The following ESR1 variants were observed in gnomAD, a reference collection of about 807,000 sequenced individuals.
ESR1 encodes the protein estrogen receptor 1.
ESR1 carries 12 observed loss-of-function variants against 52.7 expected under a neutral mutation model. The observed-to-expected ratio is 0.23, with a 90% CI of 0.15 to 0.37. The LOEUF is 0.37. Ranked by LOEUF, ESR1 falls within the 10% of genes least tolerant of loss-of-function variation. The probability of loss-of-function intolerance (pLI) is 1.00; values close to 1 mark genes in which losing one functional copy is unlikely to be tolerated. For synonymous variants in ESR1, 305 were observed against 316.8 expected, an observed-to-expected ratio of 0.96 and a Z score of 0.39; for missense variants, 584 against 779.7, an observed-to-expected ratio of 0.75 and a Z score of 2.99.
At position 151,674,329 on chromosome 6, in the gene ESR1, G is replaced by A. The variant is rs576913658; in HGVS notation, n.73+17566G>A. ...AGTTTGCTGAGAATGACGGTTTCCA[G>A]CTTCATTCATGTCCCTGCAAAGGAC... On this transcript the variant is annotated intron_variant and non_coding_transcript_variant, in intron 1 of 2. Coordinates refer to the ESR1 transcript ENST00000473497. Among the ~76,000 whole-genome samples the A allele has an allele frequency of 2.6e-5, 4 of 152,212 alleles. No individual in the cohort carries two copies. In the South Asian group the frequency reaches 8.3e-4, roughly 32 times the overall value.
At chr6:151,753,999 G>A (rs958198791) in intron 2 of ESR1, among the ~76,000 whole-genome samples, 1 of 152,178 alleles carries the variant, frequency 6.6e-6, no homozygotes, top group Non-Finnish European at 1.5e-5. Flanking sequence ...TGAAGACCTG[G>A]AGAGGAGTCA....
At chr6:151,699,766 A>G (rs1397619021) in intron 1 of ESR1, among the ~76,000 whole-genome samples, 1 of 152,194 alleles carries the variant, frequency 6.6e-6, no homozygotes, top group Admixed American at 6.5e-5. Context: ...AGATTATATA[A>G]TGGAATCCTG....
At position 152,050,722 on chromosome 6, in the gene ESR1, C is replaced by A. The variant is rs9341009; in HGVS notation, c.1236-10269C>A. On this transcript the variant is annotated intron_variant, in intron 5 of 7. Transcript: ENST00000206249. ...CTGTCCTTCTGGTGAGATCATCAATCCCATTCTTGTAACCTTCAGATCATT... is the reference window on the plus strand; with the variant it reads ...CTGTCCTTCTGGTGAGATCATCAATACCATTCTTGTAACCTTCAGATCATT... 7.0e-3 allele frequency among the ~76,000 whole-genome samples: 1,062 copies of A among 152,286 alleles called. 10 individuals are homozygous for A. The highest frequency in any genetic ancestry group is 0.025 in the African/African-American group (1,029 of 41,550).
chr6:152,017,076 A>C (rs925438777), intron 5 of ESR1, among the ~76,000 whole-genome samples: 1 of 152,160 alleles, frequency 6.6e-6, no homozygotes, highest in East Asian at 1.9e-4. Context: ...GCTAGAACTT[A>C]CCCTAGTCTT....
At chr6:151,721,804 T>C (rs954684487) in intron 2 of ESR1, among the ~76,000 whole-genome samples, 3 of 152,234 alleles carry the variant, frequency 2.0e-5, no homozygotes, top group Non-Finnish European at 4.4e-5. Flanking sequence ...GGCATAGCTG[T>C]TCAACAAGAT....
chr6:151,748,189 A>C (rs529402168), intron 2 of ESR1, among the ~76,000 whole-genome samples: 4 of 152,212 alleles, frequency 2.6e-5, no homozygotes, highest in African/African-American at 9.7e-5. Flanking sequence ...AAAAAGTGAC[A>C]TATTCATGGA....
intron 2 of ESR1, among the ~76,000 whole-genome samples, chr6:151,880,286 G>A (rs950153602): frequency 1.4e-5 from 2 of 146,276 alleles, no homozygotes; most frequent in African/African-American, 2.5e-5. Context: ...GGGTTCAAGC[G>A]ATTCTCCTGC....
intron 4 of ESR1, among the ~76,000 whole-genome samples, chr6:151,963,974 G>T (rs1300864097): frequency 6.6e-6 from 1 of 152,084 alleles, no homozygotes; most frequent in Non-Finnish European, 1.5e-5. Context: ...TAAATAAGTT[G>T]ATCTTACTTG....
intron 2 of ESR1, among the ~76,000 whole-genome samples, chr6:151,798,011 T>C (rs1053793609): frequency 4.6e-5 from 7 of 152,176 alleles, no homozygotes; most frequent in Non-Finnish European, 4.4e-5. Flanking sequence ...CAAACTGGCA[T>C]TTTGATGACT....
At chr6:151,988,621 A>G (rs1159112829) in intron 4 of ESR1, among the ~76,000 whole-genome samples, 1 of 152,042 alleles carries the variant, frequency 6.6e-6, no homozygotes, top group East Asian at 1.9e-4. Flanking sequence ...TTAATAACTA[A>G]TGTGTACTAG....
chr6:151,853,183 A>G (rs1431793787), intron 2 of ESR1, among the ~76,000 whole-genome samples: 1 of 147,228 alleles, frequency 6.8e-6, no homozygotes, highest in Non-Finnish European at 1.5e-5. Context: ...AAAAAAAAAA[A>G]AAAAAAAAAA....
intron 5 of ESR1, among the ~76,000 whole-genome samples, chr6:152,026,269 C>G (rs1214146557): frequency 1.3e-5 from 2 of 151,998 alleles, no homozygotes; most frequent in African/African-American, 4.8e-5. Flanking sequence ...CCATTATCTG[C>G]TGCATAAGTA....
At chr6:152,071,260 T>C (rs1006387450) in intron 6 of ESR1, among the ~76,000 whole-genome samples, 1 of 152,180 alleles carries the variant, frequency 6.6e-6, no homozygotes, top group African/African-American at 2.4e-5. Context: ...AAAATTGTGA[T>C]ATAAAAATAG....
In ESR1 at chr6:151,807,945, G is replaced by T. The variant is rs1249565120; in HGVS notation, c.33G>T (p.Gly11=). MTMTLHTKAS[G]MALLHQIQGN... is the part of the protein sequence containing the mutation. ...TGACCCTCCACACCAAAGCATCTGG[G>T]ATGGCCCTACTGCATCAGATCCAAG... Residue 11 remains glycine (G), a synonymous_variant, in exon 1 of 8, where the codon GGG becomes GGT. Coordinates refer to ENST00000206249, the MANE Select transcript of ESR1 (RefSeq NM_000125.4). 1 of 1,613,844 alleles carries T rather than the reference G, an allele frequency of 6.2e-7. No individual in the cohort carries two copies. Among genetic ancestry groups the T allele is most frequent in the Non-Finnish European group, 8.5e-7 (1 of 1,179,992 alleles).
chr6:151,898,511 A>C (rs1795919518), intron 3 of ESR1, among the ~76,000 whole-genome samples: 1 of 151,698 alleles, frequency 6.6e-6, no homozygotes, highest in African/African-American at 2.4e-5. Flanking sequence ...CAAGTGCACA[A>C]AGGTCTCTGG....
chr6:151,679,574 C>T (rs1190453766), intron 1 of ESR1, among the ~76,000 whole-genome samples: 1 of 152,140 alleles, frequency 6.6e-6, no homozygotes, highest in East Asian at 1.9e-4. Flanking sequence ...AGGCTACTCT[C>T]AAATTCCCGA....
At chr6:151,947,555 CTTCT>C (rs1366217339) in intron 4 of ESR1, among the ~76,000 whole-genome samples, 1 of 152,092 alleles carries the variant, frequency 6.6e-6, no homozygotes, top group East Asian at 1.9e-4. Flanking sequence ...GTGCTTCTTT[CTTCT>C]TTCTTTTAAT....
chr6:151,903,519 C>T (rs1007815738), intron 3 of ESR1, among the ~76,000 whole-genome samples: 1 of 152,166 alleles, frequency 6.6e-6, no homozygotes, highest in Admixed American at 6.5e-5. Context: ...TTGGGCATGC[C>T]ACAGAACCCC....
intron 2 of ESR1, among the ~76,000 whole-genome samples, chr6:151,733,090 T>A (rs1782378928): frequency 6.6e-6 from 1 of 152,212 alleles, no homozygotes; most frequent in South Asian, 2.1e-4. Flanking sequence ...ATAGATGGTG[T>A]CATTTTCTAA....
Sources: allele counts gnomAD v4.1 joint callset (sites outside exome capture counted in the v4.1 genomes callset), GRCh38; gene constraint gnomAD v4.1.1; transcripts MANE v1.5; gene names NCBI Gene and HGNC (gene_info 2026-07-23, HGNC 2026-07-21).